ELAC2: variants seen among roughly 807,000 people sequenced by gnomAD.
The protein encoded by ELAC2 is elaC ribonuclease Z 2, also known as zinc phosphodiesterase ELAC protein 2.
ELAC2 carries 92 observed loss-of-function variants against 105.2 expected under a neutral mutation model. The ratio of observed to expected loss-of-function variants is 0.87; its 90% CI spans 0.74 to 1.04. The LOEUF (loss-of-function observed/expected upper bound fraction) is 1.04, where lower values mean the gene tolerates loss of function less well. Ranked by LOEUF, ELAC2 falls within the 50% of genes least tolerant of loss-of-function variation. ELAC2 has a pLI of 0.00. For synonymous variants in ELAC2, 468 were observed against 409.1 expected (o/e 1.14, Z -1.74); for missense variants, 1,099 against 1,071.7 (o/e 1.03, Z -0.36).
rs1430947067 is a variant in ELAC2 at position 12,996,274 on chromosome 17, G to A, written c.1659+273C>T. 2.2e-5 allele frequency: 14 copies of A among 633,342 alleles called. 1 individual carries two copies. The Middle Eastern group carries it at 8.2e-4, about 37-fold the overall frequency. 39.2% of individuals were successfully genotyped at this position (633,342 alleles called of 1,614,324 possible). A position where few individuals can be genotyped will look rare whatever the true frequency, so the allele number is the denominator to read the frequency against. ...CCTCCTGCATCCGGTCAAAGCTTCCGCTGAGCAGGCCGTGTGAGATTCAAG... is the reference window on the plus strand; with the variant it reads ...CCTCCTGCATCCGGTCAAAGCTTCCACTGAGCAGGCCGTGTGAGATTCAAG... On this transcript the variant is annotated intron_variant, in intron 17 of 23. Transcript: ENST00000338034.
rs771225119 is a variant in ELAC2, at chr17:12,992,907, C to A, written c.2392G>T (p.Glu798Ter). 51 of 1,611,942 alleles carry A rather than the reference C, an allele frequency of 3.2e-5. No individual in the cohort carries two copies. The highest frequency in any genetic ancestry group is 2.7e-5 in the Non-Finnish European group (32 of 1,180,050). The change falls in exon 24 of 24, where the codon GAG (glutamate) becomes TAG (stop). Residue 798 changes from glutamate (E) to a stop codon, truncating the protein, a stop_gained. Coordinates refer to ENST00000338034, the MANE Select transcript of ELAC2 (RefSeq NM_018127.7). LOFTEE classifies it low-confidence loss of function (END_TRUNC). ...RQVRAALLSR[E>*]LAGGLEDGEP... ...CCATCCTCCAGGCCGCCTGCCAGCT[C>A]CCTGGACAGGAGGGCCGCCCGCACC...
rs530418086 is a variant in ELAC2 at position 12,994,591 on chromosome 17, C to T, written c.2030-88G>A. On this transcript the variant is annotated intron_variant, in intron 21 of 23. Coordinates refer to ENST00000338034, the MANE Select transcript of ELAC2 (RefSeq NM_018127.7). ...CACGTGCTGTTTCCTGGTCTCAACA[C>T]TCAGCTCCCCTGGCCCTGGGTCTGC... 25 of 1,596,228 alleles carry T rather than the reference C, an allele frequency of 1.6e-5. No individual in the cohort carries two copies. In the Admixed American group the frequency reaches 2.3e-4, roughly 15 times the overall value.
chr17:13,015,997 G>GT (rs2143686237), intron 3 of ELAC2, among the ~76,000 whole-genome samples, 165 bp from the exon 4 acceptor site: 2 of 152,370 alleles, frequency 1.3e-5, no homozygotes, highest in South Asian at 4.1e-4. Context: ...AGCTAGAGGT[G>GT]TAACAGACAC....
At position 13,013,250 on chromosome 17, in the gene ELAC2, T is replaced by C. The variant is rs2041524184; in HGVS notation, c.516A>G (p.Glu172=). The C allele has an allele frequency of 6.2e-7, 1 of 1,614,082 alleles. No individual in the cohort carries two copies. Among genetic ancestry groups the C allele is most frequent in the Admixed American group, 1.7e-5 (1 of 60,004 alleles). The change falls in exon 6 of 24, where the codon GAA becomes GAG. Residue 172 remains glutamate, a synonymous_variant. Transcript: ENST00000338034. The part of the protein sequence containing the change: ...ELAVRPHSAP[E]YEDETMTVYQ... ...AAACTGTCATGGTTTCATCCTCGTA[T>C]TCTGGGGCAGAGTGGGGCCGCACAG... is the stretch of plus-strand genomic sequence containing the variant.
intron 2 of ELAC2, 35 bp from the exon 3 acceptor site, chr17:13,016,967 G>C: frequency 6.2e-7 from 1 of 1,613,308 alleles, no homozygotes; most frequent in Non-Finnish European, 8.5e-7. Flanking sequence ...AGGATAACAT[G>C]AACAGAACAA....
intron 3 of ELAC2, 112 bp downstream of exon 3, chr17:13,016,745 CAAAAA>C (rs879009279): frequency 1.0e-3 from 669 of 650,758 alleles, no homozygotes; most frequent in East Asian, 2.0e-3. Flanking sequence ...ACGCCACTGA[CAAAAA>C]AAAAAAAAAA....
intron 8 of ELAC2, among the ~76,000 whole-genome samples, chr17:13,007,999 G>A (rs1462029175): frequency 3.3e-5 from 5 of 151,114 alleles, no homozygotes; most frequent in East Asian, 2.0e-4. Context: ...TCAGGAGTTC[G>A]AGACTAGCCT....
Position 12,993,827 on chromosome 17 carries a change from T to G in ELAC2, c.2113A>C (p.Thr705Pro). The G allele has an allele frequency of 1.2e-6, 2 of 1,614,166 alleles. No homozygotes were observed. The highest frequency in any genetic ancestry group is 1.7e-6 in the Non-Finnish European group (2 of 1,180,028). The change falls in exon 23 of 24, where the codon ACG (threonine) becomes CCG (proline). Residue 705 changes from threonine to proline, a missense_variant. Thr to Pro is a conservative substitution (Grantham distance 38, BLOSUM62 -1). Transcript: ENST00000338034. ...ATCCCCACGCTGATGGCTTGGGACG[T>G]TGTGCTGCAGGTGAAGGACAGAGCA... ...EEAVEKTHST[T>P]SQAISVGMRM...
At chr17:12,999,587 C>T (rs1352829507) in intron 15 of ELAC2, among the ~76,000 whole-genome samples, 6 of 152,246 alleles carry the variant, frequency 3.9e-5, no homozygotes, top group African/African-American at 1.4e-4. Flanking sequence ...ACGTTTCACT[C>T]AGTGCGTGCC....
intron 15 of ELAC2, among the ~76,000 whole-genome samples, chr17:12,999,615 G>A (rs1002657029): frequency 2.0e-5 from 3 of 152,190 alleles, no homozygotes; most frequent in Non-Finnish European, 4.4e-5. Flanking sequence ...GAATGCCTGG[G>A]TGCCATCGCC....
Position 13,002,482 on chromosome 17 carries a change from G to A in ELAC2, c.1177C>T (p.His393Tyr), listed in dbSNP as rs1404085657. ...HKIQTQLNLIHPDIFPLLTSF... is the reference protein window; with the variant it reads ...HKIQTQLNLIYPDIFPLLTSF... Reference sequence around the variant, plus strand: ...GTGAGCAGGGGGAAGATGTCCGGGTGGATGAGGTTGAGCTGGGTTTGAATC... The same window carrying A: ...GTGAGCAGGGGGAAGATGTCCGGGTAGATGAGGTTGAGCTGGGTTTGAATC... The change falls in exon 13 of 24, where the codon CAC becomes TAC. Residue 393 changes from histidine (H) to tyrosine (Y), a missense_variant. Physicochemically the swap from His to Tyr is moderately conservative, Grantham distance 83. Coordinates refer to ENST00000338034, the MANE Select transcript of ELAC2 (RefSeq NM_018127.7). 9.9e-6 allele frequency: 16 copies of A among 1,608,526 alleles called. No individual in the cohort carries two copies. The Admixed American group carries it at 1.0e-4, about 10-fold the overall frequency.
chr17:13,012,559 C>T (rs1048207718), intron 6 of ELAC2, among the ~76,000 whole-genome samples: 6 of 152,188 alleles, frequency 3.9e-5, no homozygotes, highest in South Asian at 4.1e-4. Flanking sequence ...CTCATCTCCT[C>T]GCCAGGTTCT....
At chr17:13,010,448 C>T (rs1048445530) in intron 8 of ELAC2, among the ~76,000 whole-genome samples, 165 bp downstream of exon 8, 6 of 152,330 alleles carry the variant, frequency 3.9e-5, no homozygotes, top group Middle Eastern at 6.8e-3. Flanking sequence ...GGATTACAGG[C>T]GTGAGCCACT....
In ELAC2 at chr17:12,992,725, G is replaced by GCT. The variant is rs1384996100; in HGVS notation, c.*91_*92dup. 2 of 1,480,606 alleles carry GCT rather than the reference G, an allele frequency of 1.4e-6. No homozygotes were observed. The highest frequency in any genetic ancestry group is 1.9e-6 in the Non-Finnish European group (2 of 1,069,138). The allele number at this position is 1,480,606 out of a possible 1,614,324, so 91.7% of individuals were successfully genotyped here. A position where few individuals can be genotyped will look rare whatever the true frequency, so the allele number is the denominator to read the frequency against. The stretch of plus-strand genomic sequence containing the variant: ...CCTGAGCTGCCTCCTGGGGGACCGT[G>GCT]CTCTTCAGCTTCTACCAGCAAGGAG... On this transcript the variant is annotated 3_prime_UTR_variant, in exon 24 of 24. Transcript: ENST00000338034.
chr17:13,011,568 G>C (rs966229219), intron 7 of ELAC2, 95 bp downstream of exon 7: 12 of 1,593,826 alleles, frequency 7.5e-6, no homozygotes, highest in East Asian at 2.2e-5. Flanking sequence ...TACACACCTG[G>C]CTTTCTTACA....
chr17:13,000,473 C>A, intron 14 of ELAC2, 199 bp from the exon 15 acceptor site: 2 of 628,916 alleles, frequency 3.2e-6, no homozygotes, highest in Non-Finnish European at 5.8e-6. Flanking sequence ...TGCCTCAGGG[C>A]CAGTCAACGG....
chr17:12,994,474 C>T lies in ELAC2; in HGVS notation c.2059G>A (p.Ala687Thr). ...GKDATLLIHE[A>T]TLEDGLEEEA... ...TCTTCCAAACCATCTTCCAGGGTGG[C>T]TTCATGTATCAGGAGGGTGGCATCT... Residue 687 changes from alanine (A) to threonine (T), a missense_variant, in exon 22 of 24, where the codon GCC becomes ACC. Transcript: ENST00000338034. The T allele has an allele frequency of 6.2e-7, 1 of 1,614,214 alleles. No individual in the cohort carries two copies. The highest frequency in any genetic ancestry group is 8.5e-7 in the Non-Finnish European group (1 of 1,180,044).
At chr17:13,003,707 C>A (rs1312577394) in intron 11 of ELAC2, 133 bp from the exon 12 acceptor site, 2 of 761,774 alleles carry the variant, frequency 2.6e-6, no homozygotes, top group Non-Finnish European at 4.5e-6. Context: ...CACGCCCAGG[C>A]CATGCTCTCA....
At position 12,991,769 on chromosome 17, in the gene ELAC2, G is replaced by GCTTGT. The variant is rs1395521978; in HGVS notation, c.*1044_*1048dup. On this transcript the variant is annotated 3_prime_UTR_variant, in exon 24 of 24. Transcript: ENST00000338034. ...CAGGTCCCTGGCTGATCTCTCGCTTGCTTGTCTTTTGAGTTTTTAAAGCTC... is the reference window on the plus strand; with the variant it reads ...CAGGTCCCTGGCTGATCTCTCGCTTGCTTGTCTTGTCTTTTGAGTTTTTAAAGCTC... The GCTTGT allele has an allele frequency of 4.7e-6, 1 of 213,568 alleles. No individual in the cohort carries two copies. The allele number at this position is 213,568 out of a possible 1,614,324, so 13.2% of individuals were successfully genotyped here. A position where few individuals can be genotyped will look rare whatever the true frequency, so the allele number is the denominator to read the frequency against.
Sources: allele counts gnomAD v4.1 joint callset (sites outside exome capture counted in the v4.1 genomes callset), GRCh38; gene constraint gnomAD v4.1.1; transcripts MANE v1.5; gene names NCBI Gene and HGNC (gene_info 2026-07-23, HGNC 2026-07-21).